Variants in RP1 observed in about 807,000 individuals in gnomAD.
RP1 encodes the protein RP1 axonemal microtubule associated.
In RP1, 16 loss-of-function variants were observed where a neutral mutation model predicts 14.8. That is an observed-to-expected ratio of 1.08 (90% confidence interval 0.73 to 1.65). The LOEUF (loss-of-function observed/expected upper bound fraction) is 1.65, where lower values mean the gene tolerates loss of function less well. RP1 is among the 40% of genes most tolerant of loss of function. The pLI, the probability that RP1 is intolerant of heterozygous loss-of-function variation, is 0.00. For synonymous variants in RP1, 876 were observed against 883.6 expected (o/e 0.99, Z 0.15); for missense variants, 2,631 against 2,535.0 (o/e 1.04, Z -0.81).
chr8:54,587,872 T>G (rs1403184452), intron 1 of RP1, among the ~76,000 whole-genome samples: 1 of 152,220 alleles, frequency 6.6e-6, no homozygotes, highest in African/African-American at 2.4e-5. Context: ...TTTACATTTT[T>G]TCCTCTGATA....
intron 7 of RP1, among the ~76,000 whole-genome samples, chr8:54,664,498 T>G (rs1409809217): frequency 1.3e-5 from 2 of 152,176 alleles, no homozygotes; most frequent in African/African-American, 4.8e-5. Flanking sequence ...TGTACCATTT[T>G]ACAATCCCAC....
chr8:54,860,785 A>G (rs1563399109), intron 27 of RP1, among the ~76,000 whole-genome samples: 1 of 152,268 alleles, frequency 6.6e-6, no homozygotes, highest in Non-Finnish European at 1.5e-5. Flanking sequence ...AAATACTTAC[A>G]TTAAGTTAGA....
At chr8:54,793,503 G>A (rs752305498) in intron 24 of RP1, among the ~76,000 whole-genome samples, 3 of 151,922 alleles carry the variant, frequency 2.0e-5, no homozygotes, top group African/African-American at 7.2e-5. Flanking sequence ...TTTATCCCTG[G>A]AGTGCAAGGA....
At chr8:54,677,454 C>T (rs906231574) in intron 8 of RP1, among the ~76,000 whole-genome samples, 1 of 152,276 alleles carries the variant, frequency 6.6e-6, no homozygotes, top group South Asian at 2.1e-4. Flanking sequence ...TGGCTGAGAA[C>T]AGTGGCTTAT....
chr8:54,857,047 A>T (rs1019665078), exon 27 of RP1: 14 of 1,198,700 alleles, frequency 1.2e-5, no homozygotes, highest in African/African-American at 1.6e-5. Context: ...TTTTCCATTA[A>T]GGCTGTATCT....
chr8:54,597,503 G>A (rs1471825334), intron 1 of RP1, among the ~76,000 whole-genome samples: 1 of 152,096 alleles, frequency 6.6e-6, no homozygotes, highest in Admixed American at 6.5e-5. Context: ...ACAGGACTGG[G>A]AATTATGGCT....
rs1340728250 is a variant in RP1 at position 54,738,942 on chromosome 8, G to A, written c.2722-1G>A. On this transcript the variant is annotated splice_acceptor_variant, in intron 18 of 22. Coordinates refer to the RP1 transcript ENST00000636932. LOFTEE classifies it high-confidence loss of function. Reference sequence around the variant, plus strand: ...TTTTTTCTCCTTTGCATTTCATTCAGGTTGAAATAAGAAACACTGGAAACA... The same window carrying A: ...TTTTTTCTCCTTTGCATTTCATTCAAGTTGAAATAAGAAACACTGGAAACA... The A allele has an allele frequency of 2.0e-6, 3 of 1,465,720 alleles. No homozygotes were observed. The highest frequency in any genetic ancestry group is 1.8e-6 in the Non-Finnish European group (2 of 1,111,152). The allele number at this position is 1,465,720 out of a possible 1,614,324, so 90.8% of individuals were successfully genotyped here. A position where few individuals can be genotyped will look rare whatever the true frequency, so the allele number is the denominator to read the frequency against.
At chr8:54,643,816 G>C (rs932293944) in intron 3 of RP1, among the ~76,000 whole-genome samples, 12 of 152,058 alleles carry the variant, frequency 7.9e-5, no homozygotes, top group African/African-American at 2.9e-4. Flanking sequence ...TCTTTGTGTA[G>C]CACTCTTCCT....
chr8:54,801,436 C>T (rs985369187), intron 24 of RP1, among the ~76,000 whole-genome samples: 1 of 152,052 alleles, frequency 6.6e-6, no homozygotes, highest in Non-Finnish European at 1.5e-5. Context: ...GAATCACAGA[C>T]TTTTTTTTCA....
intron 3 of RP1, among the ~76,000 whole-genome samples, chr8:54,647,877 C>T (rs1806579587): frequency 6.6e-6 from 1 of 151,966 alleles, no homozygotes; most frequent in South Asian, 2.1e-4. Flanking sequence ...TATAGATCAG[C>T]TTTCTGATTG....
At chr8:54,742,024 G>C (rs1809110416) in intron 19 of RP1, among the ~76,000 whole-genome samples, 1 of 151,700 alleles carries the variant, frequency 6.6e-6, no homozygotes, top group Non-Finnish European at 1.5e-5. Context: ...ATTTGCCTGA[G>C]GTTCCTCAGT....
chr8:54,659,763 G>A (rs980991907), intron 6 of RP1, among the ~76,000 whole-genome samples: 5 of 152,254 alleles, frequency 3.3e-5, no homozygotes, highest in African/African-American at 1.2e-4. Context: ...AAAAATTGCT[G>A]TTGAGATTTT....
chr8:54,737,910 G>A (rs1808974368), intron 18 of RP1, among the ~76,000 whole-genome samples: 1 of 152,048 alleles, frequency 6.6e-6, no homozygotes, highest in African/African-American at 2.4e-5. Flanking sequence ...GTCTGCAGAG[G>A]TAGATTGGTG....
At chr8:54,619,178 T>C (rs1381981760) in intron 1 of RP1, among the ~76,000 whole-genome samples, 1 of 152,210 alleles carries the variant, frequency 6.6e-6, no homozygotes, top group Non-Finnish European at 1.5e-5. Context: ...TATAATTACT[T>C]TAAACCTCTG....
At chr8:54,711,403 AC>A (rs1808291382) in intron 15 of RP1, among the ~76,000 whole-genome samples, 2 of 152,204 alleles carry the variant, frequency 1.3e-5, no homozygotes. Context: ...TTGAAATTTT[AC>A]ACAGCCTGTC....
intron 25 of RP1, among the ~76,000 whole-genome samples, chr8:54,841,621 C>T (rs1811792826): frequency 6.6e-6 from 1 of 152,196 alleles, no homozygotes; most frequent in Non-Finnish European, 1.5e-5. Context: ...GCCAGCACTG[C>T]CAAATGCAGC....
In RP1 at chr8:54,628,541, T is replaced by C. The variant is rs755417123; in HGVS notation, c.4659T>C (p.Asn1553=). Residue 1553 remains asparagine, a synonymous_variant, in exon 4 of 4, where the codon AAT becomes AAC. Coordinates refer to ENST00000220676, the MANE Select transcript of RP1 (RefSeq NM_006269.2). ...DSKQNSEKET[N]EGETKMVKMM... ...AGCAAAATAGTGAAAAGGAGACCAA[T>C]GAAGGAGAAACTAAGATGGTAAAAA... 6.2e-7 allele frequency: 1 copy of C among 1,613,940 alleles called. No individual in the cohort carries two copies. Among genetic ancestry groups the C allele is most frequent in the South Asian group, 1.1e-5 (1 of 91,068 alleles).
At chr8:54,783,269 C>G (rs1484456864) in intron 23 of RP1, among the ~76,000 whole-genome samples, 5 of 152,154 alleles carry the variant, frequency 3.3e-5, no homozygotes, top group South Asian at 4.1e-4. Context: ...CAGCTAAACA[C>G]TTAGTGCTAA....
exon 28 of RP1, chr8:54,865,906 C>A: frequency 8.2e-7 from 1 of 1,221,558 alleles, no homozygotes; most frequent in Non-Finnish European, 1.0e-6. Flanking sequence ...GGTGCTGTTT[C>A]TATGCAACAG....
Sources: allele counts gnomAD v4.1 joint callset (sites outside exome capture counted in the v4.1 genomes callset), GRCh38; gene constraint gnomAD v4.1.1; transcripts MANE v1.5; gene names NCBI Gene and HGNC (gene_info 2026-07-23, HGNC 2026-07-21).